TOX: variants seen among roughly 807,000 people sequenced by gnomAD.
TOX encodes the protein thymocyte selection-associated high mobility group box protein TOX.
In TOX, 11 loss-of-function variants were observed where a neutral mutation model predicts 53.7. That is an observed-to-expected ratio of 0.20 (90% CI 0.13 to 0.34). The LOEUF (loss-of-function observed/expected upper bound fraction) is 0.34. Among genes scored for constraint, TOX ranks in the 10% least tolerant of loss-of-function variants. TOX has a pLI of 1.00. For missense variants in TOX, 570 were observed against 664.6 expected (o/e 0.86, Z 1.56); for synonymous variants, 225 against 245.3 (o/e 0.92, Z 0.77).
intron 1 of TOX, chr8:58,991,648 C>G (rs1348391796): frequency 6.6e-6 from 1 of 152,194 alleles, no homozygotes; most frequent in Non-Finnish European, 1.5e-5. Flanking sequence ...CAGCTCTCTG[C>G]CCCTGGTGAT....
At chr8:58,892,075 C>T (rs1401244899) in intron 3 of TOX, among the ~76,000 whole-genome samples, 2 of 152,136 alleles carry the variant, frequency 1.3e-5, no homozygotes, top group Non-Finnish European at 2.9e-5. Flanking sequence ...TGGGTAGAAA[C>T]CATTTCTGAA....
At chr8:59,010,467 GAAATGCA>G (rs1266582583) in intron 1 of TOX, among the ~76,000 whole-genome samples, 1 of 152,166 alleles carries the variant, frequency 6.6e-6, no homozygotes, top group African/African-American at 2.4e-5. Flanking sequence ...AACGAAAATT[GAAATGCA>G]AAATGGCAAA....
intron 3 of TOX, among the ~76,000 whole-genome samples, chr8:58,879,074 C>CA (rs1289802933): frequency 7.9e-6 from 1 of 127,118 alleles, no homozygotes; most frequent in African/African-American, 3.2e-5. Flanking sequence ...AAAAAAAAAA[C>CA]AAAAAAACTC....
At chr8:59,080,492 A>C (rs1370152133) in intron 1 of TOX, among the ~76,000 whole-genome samples, 1 of 152,216 alleles carries the variant, frequency 6.6e-6, no homozygotes, top group Non-Finnish European at 1.5e-5. Flanking sequence ...TTAGGAAGGC[A>C]TGATTGTATT....
At chr8:58,989,315 CA>C (rs144152695) in intron 1 of TOX, among the ~76,000 whole-genome samples, 10,625 of 140,658 alleles carry the variant, frequency 0.076, 557 homozygotes, top group Admixed American at 0.18. Context: ...GACTCTATCT[CA>C]AAAAAAAAAA....
intron 3 of TOX, among the ~76,000 whole-genome samples, chr8:58,885,574 C>A (rs889014052): frequency 2.0e-5 from 3 of 152,088 alleles, no homozygotes; most frequent in East Asian, 3.9e-4. Context: ...AGCCAATATG[C>A]CGTGCCAATA....
intron 3 of TOX, among the ~76,000 whole-genome samples, chr8:58,890,123 T>G (rs551497297): frequency 1.2e-3 from 186 of 152,328 alleles, no homozygotes; most frequent in African/African-American, 4.2e-3. Flanking sequence ...TATTTTTTGC[T>G]CTTATTAACC....
chr8:59,099,398 A>G (rs1395252700), intron 1 of TOX, among the ~76,000 whole-genome samples: 1 of 152,208 alleles, frequency 6.6e-6, no homozygotes, highest in Non-Finnish European at 1.5e-5. Flanking sequence ...GCTATCACTA[A>G]TCATCAGCAG....
At chr8:58,828,657 T>C (rs1323642014) in intron 5 of TOX, among the ~76,000 whole-genome samples, 6 of 152,242 alleles carry the variant, frequency 3.9e-5, no homozygotes, top group East Asian at 1.9e-4. Context: ...GTGTGATCTG[T>C]GTATATCGTA....
chr8:58,821,219 A>G (rs374064379), intron 6 of TOX, among the ~76,000 whole-genome samples: 1 of 152,134 alleles, frequency 6.6e-6, no homozygotes, highest in East Asian at 1.9e-4. Flanking sequence ...AAATTTCCTT[A>G]TATCAAAGTA....
At chr8:58,915,465 AT>A (rs1452803084) in intron 3 of TOX, among the ~76,000 whole-genome samples, 3 of 111,826 alleles carry the variant, frequency 2.7e-5, no homozygotes, top group Non-Finnish European at 3.7e-5. Flanking sequence ...ACGGCAGGGT[AT>A]TCCAACAGAC....
rs930047193 is a variant in TOX at position 58,869,893 on chromosome 8, C to A, written c.412-18088G>T. ...ATAACACCATGCATGAAAAAAAAAA[C>A]CATAGCAAACCAGGGGTGGAAAAGA... On this transcript the variant is annotated intron_variant, in intron 3 of 8. Coordinates refer to ENST00000361421, the MANE Select transcript of TOX (RefSeq NM_014729.3). 6.0e-5 allele frequency among the ~76,000 whole-genome samples: 9 copies of A among 149,818 alleles called. No individual in the cohort carries two copies. In the East Asian group the frequency reaches 1.0e-3, roughly 17 times the overall value.
At chr8:58,972,531 CCT>C (rs1273179731) in intron 1 of TOX, among the ~76,000 whole-genome samples, 2 of 152,044 alleles carry the variant, frequency 1.3e-5, no homozygotes, top group Non-Finnish European at 2.9e-5. Flanking sequence ...TGATATGTCT[CCT>C]ATAACATTTT....
At chr8:58,976,182 A>C (rs1430165366) in intron 1 of TOX, among the ~76,000 whole-genome samples, 1 of 152,250 alleles carries the variant, frequency 6.6e-6, no homozygotes, top group African/African-American at 2.4e-5. Context: ...TAGAATGTCA[A>C]AATTGGAGTC....
At chr8:59,063,674 G>C (rs534420853) in intron 1 of TOX, among the ~76,000 whole-genome samples, 2 of 151,830 alleles carry the variant, frequency 1.3e-5, no homozygotes, top group Non-Finnish European at 1.5e-5. Context: ...CACCCGCCTC[G>C]GCCTCTTAAA....
intron 1 of TOX, among the ~76,000 whole-genome samples, chr8:59,077,815 T>C (rs1804318290): frequency 6.6e-6 from 1 of 152,194 alleles, no homozygotes; most frequent in Admixed American, 6.5e-5. Flanking sequence ...AATTTATTTA[T>C]TGGACTATAA....
chr8:59,004,447 A>G (rs1813750033), intron 1 of TOX, among the ~76,000 whole-genome samples: 1 of 152,256 alleles, frequency 6.6e-6, no homozygotes. Context: ...TTTAGCCATC[A>G]TTCTAAGGGC....
chr8:59,019,762 A>G (rs140484014), intron 1 of TOX, among the ~76,000 whole-genome samples: 116 of 152,348 alleles, frequency 7.6e-4, no homozygotes, highest in African/African-American at 2.7e-3. Flanking sequence ...GAATGAGAGT[A>G]TGCATAATAT....
chr8:58,978,650 A>G (rs1247995638), intron 1 of TOX, among the ~76,000 whole-genome samples: 2 of 152,180 alleles, frequency 1.3e-5, no homozygotes, highest in Non-Finnish European at 2.9e-5. Flanking sequence ...GAGTTCCCAT[A>G]TATCTCCTAT....
Sources: allele counts gnomAD v4.1 joint callset (sites outside exome capture counted in the v4.1 genomes callset), GRCh38; gene constraint gnomAD v4.1.1; transcripts MANE v1.5; gene names NCBI Gene and HGNC (gene_info 2026-07-23, HGNC 2026-07-21).